The following KALRN variants were observed in gnomAD, a reference collection of about 807,000 sequenced individuals.
KALRN encodes kalirin RhoGEF kinase.
Under a neutral mutation model 353.7 loss-of-function variants are expected in KALRN, and 70 were observed. The ratio of observed to expected loss-of-function variants is 0.20; its 90% confidence interval spans 0.16 to 0.24. KALRN has a LOEUF of 0.24. KALRN is among the 10% of genes least tolerant of loss of function. The pLI, the probability that KALRN is intolerant of heterozygous loss-of-function variation, is 1.00. For synonymous variants in KALRN, 1,391 were observed against 1,434.8 expected, an observed-to-expected ratio of 0.97 and a Z score of 0.69; for missense variants, 2,791 against 3,756.7, an observed-to-expected ratio of 0.74 and a Z score of 6.72.
intron 1 of KALRN, among the ~76,000 whole-genome samples, chr3:124,227,693 T>G (rs1170422595): frequency 3.3e-5 from 2 of 59,762 alleles, no homozygotes; most frequent in South Asian, 5.5e-4. Flanking sequence ...TTTTTTTTTT[T>G]TTTTTTTTTT....
chr3:124,590,269 AGGT>A (rs898330721), intron 34 of KALRN, among the ~76,000 whole-genome samples: 11 of 152,120 alleles, frequency 7.2e-5, no homozygotes, highest in African/African-American at 2.7e-4. Context: ...GGGTGTATGA[AGGT>A]GGTGGGGTGA....
chr3:124,619,817 C>A (rs1578394806), intron 34 of KALRN, among the ~76,000 whole-genome samples: 1 of 152,016 alleles, frequency 6.6e-6, no homozygotes, highest in African/African-American at 2.4e-5. Flanking sequence ...TCTTTAGGAA[C>A]CTACATACTG....
intron 1 of KALRN, among the ~76,000 whole-genome samples, chr3:124,180,337 A>T (rs2073398912): frequency 6.6e-6 from 1 of 152,190 alleles, no homozygotes; most frequent in Non-Finnish European, 1.5e-5. Flanking sequence ...TCCATTAGGA[A>T]ATAAAAACTT....
chr3:124,714,420 G>C (rs141305734), intron 58 of KALRN, among the ~76,000 whole-genome samples: 1 of 152,210 alleles, frequency 6.6e-6, no homozygotes, highest in African/African-American at 2.4e-5. Flanking sequence ...TTGGGCTACT[G>C]TAGTGCAATG....
chr3:124,148,505 C>G (rs2067666484), intron 1 of KALRN, among the ~76,000 whole-genome samples: 1 of 152,162 alleles, frequency 6.6e-6, no homozygotes, highest in Non-Finnish European at 1.5e-5. Flanking sequence ...AGGGGAACAT[C>G]TAGAGTTAAC....
intron 23 of KALRN, among the ~76,000 whole-genome samples, chr3:124,458,275 CAAA>C (rs35854921): frequency 4.8e-5 from 4 of 83,124 alleles, no homozygotes; most frequent in East Asian, 8.1e-4. Context: ...GACTCTGTCT[CAAA>C]AAAAAAAAAA....
At chr3:124,046,519 G>C (rs908489531) in intron 1 of KALRN, among the ~76,000 whole-genome samples, 1 of 152,224 alleles carries the variant, frequency 6.6e-6, no homozygotes, top group African/African-American at 2.4e-5. Context: ...ATTCTCTGGA[G>C]AGTGAGTGGG....
intron 5 of KALRN, among the ~76,000 whole-genome samples, chr3:124,278,831 T>A (rs992925490): frequency 6.6e-6 from 1 of 152,120 alleles, no homozygotes; most frequent in Non-Finnish European, 1.5e-5. Flanking sequence ...CCTGGGGTGA[T>A]GAATTTGTCA....
chr3:124,218,181 C>T (rs2077533082), intron 1 of KALRN, among the ~76,000 whole-genome samples: 1 of 152,128 alleles, frequency 6.6e-6, no homozygotes, highest in Non-Finnish European at 1.5e-5. Flanking sequence ...TATTTAGATA[C>T]CTGCCAGAGT....
chr3:124,517,323 T>C (rs1362605671), intron 33 of KALRN, among the ~76,000 whole-genome samples: 1 of 152,206 alleles, frequency 6.6e-6, no homozygotes, highest in Non-Finnish European at 1.5e-5. Context: ...AAGTATTTTC[T>C]CTCACTAAAT....
Position 124,666,653 on chromosome 3 carries a change from A to C in KALRN, c.6531+19A>C. On this transcript the variant is annotated intron_variant, in intron 46 of 59. Coordinates refer to ENST00000682506, the MANE Select transcript of KALRN (RefSeq NM_001388419.1). ...CATCAAGGTGAGGATCCCAATGGTG[A>C]TGAGAAGAGGCAAGGAAGAGCCCAG... is the stretch of plus-strand genomic sequence containing the variant. 1 of 1,608,760 alleles carries C rather than the reference A, an allele frequency of 6.2e-7. No individual in the cohort carries two copies. Among genetic ancestry groups the C allele is most frequent in the Non-Finnish European group, 8.5e-7 (1 of 1,175,614 alleles).
intron 45 of KALRN, 61 bp from the exon 46 acceptor site, chr3:124,666,388 A>T: frequency 1.3e-6 from 2 of 1,517,828 alleles, no homozygotes; most frequent in Non-Finnish European, 1.8e-6. Flanking sequence ...CTGTGGACCC[A>T]GAGGGCAGTG....
At chr3:124,309,858 C>T (rs1254205482) in intron 6 of KALRN, among the ~76,000 whole-genome samples, 1 of 152,116 alleles carries the variant, frequency 6.6e-6, no homozygotes, top group Non-Finnish European at 1.5e-5. Flanking sequence ...TACTTCCCCG[C>T]TTAAGATCAA....
intron 1 of KALRN, among the ~76,000 whole-genome samples, chr3:124,060,245 A>G (rs2041885623): frequency 6.6e-6 from 1 of 152,188 alleles, no homozygotes; most frequent in Non-Finnish European, 1.5e-5. Flanking sequence ...ATGCAGCACC[A>G]AGTAGAGCAT....
At chr3:124,442,480 C>T (rs2093698523) in intron 19 of KALRN, among the ~76,000 whole-genome samples, 1 of 152,116 alleles carries the variant, frequency 6.6e-6, no homozygotes, top group African/African-American at 2.4e-5. Context: ...TTGAACAGCA[C>T]AAGACTAGGG....
At chr3:124,238,912 G>C (rs2080106122) in intron 3 of KALRN, among the ~76,000 whole-genome samples, 1 of 152,136 alleles carries the variant, frequency 6.6e-6, no homozygotes, top group Non-Finnish European at 1.5e-5. Context: ...ATCTTATTCT[G>C]AGGAGTCATA....
At chr3:124,081,748 C>A (rs897934030) in intron 1 of KALRN, among the ~76,000 whole-genome samples, 39 of 152,158 alleles carry the variant, frequency 2.6e-4, no homozygotes, top group African/African-American at 9.4e-4. Flanking sequence ...CAGAATGAGG[C>A]CCTGTCTCAG....
At chr3:124,328,863 C>T (rs994041501) in intron 7 of KALRN, among the ~76,000 whole-genome samples, 2 of 152,144 alleles carry the variant, frequency 1.3e-5, no homozygotes, top group African/African-American at 4.8e-5. Flanking sequence ...TATTACTAGT[C>T]CTTCAGGGAC....
rs943574312 is a variant in KALRN at position 124,384,939 on chromosome 3, G to A, written c.1865G>A (p.Arg622Gln). ...CDPEEIYKAA[R>Q]HLEVRIQDFV... Reference sequence around the variant, plus strand: ...CCCGAGGAGATCTACAAGGCAGCTCGACACCTGGAGGTGCGCATCCAAGAC... The same window carrying A: ...CCCGAGGAGATCTACAAGGCAGCTCAACACCTGGAGGTGCGCATCCAAGAC... The change falls in exon 11 of 60, where the codon CGA becomes CAA. Residue 622 changes from arginine to glutamine, a missense_variant. Coordinates refer to ENST00000682506, the MANE Select transcript of KALRN (RefSeq NM_001388419.1). 6.2e-7 allele frequency: 1 copy of A among 1,614,104 alleles called. No homozygotes were observed. The highest frequency in any genetic ancestry group is 8.5e-7 in the Non-Finnish European group (1 of 1,179,996).
Sources: allele counts gnomAD v4.1 joint callset (sites outside exome capture counted in the v4.1 genomes callset), GRCh38; gene constraint gnomAD v4.1.1; transcripts MANE v1.5; gene names NCBI Gene and HGNC (gene_info 2026-07-23, HGNC 2026-07-21).